GREB1L: variants seen among roughly 807,000 people sequenced by gnomAD.
The protein encoded by GREB1L is GREB1 like retinoic acid receptor coactivator, also known as GREB1-like protein.
Under a neutral mutation model 200.8 loss-of-function variants are expected in GREB1L, and 17 were observed. The observed-to-expected ratio is 0.08, with a 90% CI of 0.06 to 0.13. The LOEUF (loss-of-function observed/expected upper bound fraction) is 0.13. Ranked by LOEUF, GREB1L falls within the 10% of genes least tolerant of loss-of-function variation. GREB1L has a pLI of 1.00. For synonymous variants in GREB1L, 789 were observed against 893.0 expected (o/e 0.88, Z 2.08); for missense variants, 1,657 against 2,367.7 (o/e 0.70, Z 6.23).
intron 19 of GREB1L, among the ~76,000 whole-genome samples, chr18:21,493,680 A>G (rs1417325961): frequency 1.9e-4 from 29 of 152,120 alleles, no homozygotes; most frequent in Non-Finnish European, 3.2e-4. Flanking sequence ...AGCCTGGCCA[A>G]TATGGCGAAA....
intron 15 of GREB1L, among the ~76,000 whole-genome samples, chr18:21,463,291 G>T (rs574515373): frequency 1.3e-5 from 2 of 151,066 alleles, no homozygotes; most frequent in African/African-American, 2.4e-5. Context: ...GACCACAAGC[G>T]CCCGCCACCG....
intron 15 of GREB1L, among the ~76,000 whole-genome samples, chr18:21,470,075 AG>A (rs1386523250): frequency 6.6e-6 from 1 of 152,080 alleles, no homozygotes; most frequent in Non-Finnish European, 1.5e-5. Flanking sequence ...GCTTGAGGCC[AG>A]GGGTTTGAGA....
chr18:21,333,397 G>A lies in GREB1L; in HGVS notation c.-119-32630G>A, dbSNP rs541377846. Among the ~76,000 whole-genome samples the A allele has an allele frequency of 3.5e-4, 54 of 152,124 alleles. No individual in the cohort carries two copies. The South Asian group carries it at 3.7e-3, about 11-fold the overall frequency. ...GCCTTAAGAATAGATTTCTAAGGCCGGGCATGGTGGCTCATGCCTGTAATC... is the reference window on the plus strand; with the variant it reads ...GCCTTAAGAATAGATTTCTAAGGCCAGGCATGGTGGCTCATGCCTGTAATC... On this transcript the variant is annotated intron_variant, in intron 1 of 32. Coordinates refer to ENST00000424526, the MANE Select transcript of GREB1L (RefSeq NM_001142966.3).
intron 1 of GREB1L, among the ~76,000 whole-genome samples, chr18:21,296,648 CTTTGTTT>C (rs1027182346): frequency 7.3e-5 from 11 of 151,006 alleles, no homozygotes; most frequent in Admixed American, 5.3e-4. Context: ...TTCAGCTTTT[CTTTGTTT>C]TTTGTTTTTT....
At chr18:21,356,732 T>G (rs2039510106) in intron 1 of GREB1L, among the ~76,000 whole-genome samples, 1 of 152,186 alleles carries the variant, frequency 6.6e-6, no homozygotes, top group African/African-American at 2.4e-5. Flanking sequence ...GGTTTTAATT[T>G]TTTGAGAAAC....
Position 21,444,334 on chromosome 18 carries a change from T to G in GREB1L, c.1318T>G (p.Leu440Val). The G allele has an allele frequency of 6.4e-7, 1 of 1,552,172 alleles. No homozygotes were observed. Among genetic ancestry groups the G allele is most frequent in the Non-Finnish European group, 8.7e-7 (1 of 1,147,046 alleles). Residue 440 changes from leucine (L) to valine (V), a missense_variant, in exon 11 of 33, where the codon TTA becomes GTA. By Grantham distance (32) the Leu-to-Val change is conservative. Coordinates refer to ENST00000424526, the MANE Select transcript of GREB1L (RefSeq NM_001142966.3). Reference sequence around the variant, plus strand: ...GTTGGAAAACAAAGATTTGGAAAAATTAGGGTTGACCGGCAGCCAATTTCT... The same window carrying G: ...GTTGGAAAACAAAGATTTGGAAAAAGTAGGGTTGACCGGCAGCCAATTTCT... ...PQLENKDLEK[L>V]GLTGSQFLSV...
At chr18:21,382,030 A>C (rs567345645) in intron 2 of GREB1L, among the ~76,000 whole-genome samples, 2 of 152,302 alleles carry the variant, frequency 1.3e-5, no homozygotes, top group South Asian at 4.1e-4. Flanking sequence ...TTGAACAAAA[A>C]AAAATTTTGT....
chr18:21,281,813 A>G, intron 1 of GREB1L, among the ~76,000 whole-genome samples: 1 of 152,290 alleles, frequency 6.6e-6, no homozygotes, highest in South Asian at 2.1e-4. Flanking sequence ...TGGTTGCATA[A>G]CTCTACAAAT....
At position 21,508,128 on chromosome 18, in the gene GREB1L, C is replaced by G; in HGVS notation, c.4379C>G (p.Ser1460Cys). ...DFTSASQMSD[S>C]TLHAFTFSSS... ...TCTTTGCAAATGTAGATGTCTGACT[C>G]CACCCTTCATGCCTTCACATTCTCT... Residue 1460 changes from serine (S) to cysteine (C), a missense_variant, in exon 26 of 33, where the codon TCC (serine) becomes TGC (cysteine). By Grantham distance (112) the Ser-to-Cys change is moderately radical. Coordinates refer to ENST00000424526, the MANE Select transcript of GREB1L (RefSeq NM_001142966.3). 1 of 1,551,644 alleles carries G rather than the reference C, an allele frequency of 6.4e-7. No individual in the cohort carries two copies. Among genetic ancestry groups the G allele is most frequent in the Non-Finnish European group, 8.7e-7 (1 of 1,147,004 alleles).
intron 1 of GREB1L, among the ~76,000 whole-genome samples, chr18:21,280,166 C>T (rs777688891): frequency 3.3e-5 from 5 of 152,222 alleles, no homozygotes; most frequent in African/African-American, 4.8e-5. Flanking sequence ...TGTGCTCTAC[C>T]GTTGTACTAA....
Position 21,437,895 on chromosome 18 carries a change from G to T in GREB1L, c.833-1626G>T, listed in dbSNP as rs551686761. ...TGGGGAAATTTTTGAATACTAATAG[G>T]ATATTTTATGATATTAAGAAATTAT... is the stretch of plus-strand genomic sequence containing the variant. On this transcript the variant is annotated intron_variant, in intron 7 of 32. Coordinates refer to ENST00000424526, the MANE Select transcript of GREB1L (RefSeq NM_001142966.3). 2.6e-5 allele frequency among the ~76,000 whole-genome samples: 4 copies of T among 152,264 alleles called. No individual in the cohort carries two copies. In the South Asian group the frequency reaches 8.3e-4, roughly 32 times the overall value.
At chr18:21,448,968 C>T (rs948824959) in intron 11 of GREB1L, among the ~76,000 whole-genome samples, 4 of 152,188 alleles carry the variant, frequency 2.6e-5, no homozygotes, top group African/African-American at 9.7e-5. Context: ...AAATGTGAGG[C>T]TGCCTCCAAT....
intron 1 of GREB1L, among the ~76,000 whole-genome samples, chr18:21,247,054 C>T (rs894564715): frequency 2.0e-5 from 3 of 152,176 alleles, no homozygotes; most frequent in African/African-American, 7.2e-5. Context: ...GGCAAATATA[C>T]ACCCAACATG....
chr18:21,288,459 A>T (rs2038393784), intron 1 of GREB1L, among the ~76,000 whole-genome samples: 1 of 152,222 alleles, frequency 6.6e-6, no homozygotes, highest in Admixed American at 6.5e-5. Context: ...AATAGTGGTA[A>T]GCGCAGGTTC....
At chr18:21,294,630 G>A (rs1290832294) in intron 1 of GREB1L, among the ~76,000 whole-genome samples, 1 of 150,478 alleles carries the variant, frequency 6.6e-6, no homozygotes, top group African/African-American at 2.4e-5. Flanking sequence ...TAATATAATA[G>A]TTATATATAA....
chr18:21,445,694 T>G (rs2034178759), intron 11 of GREB1L, among the ~76,000 whole-genome samples: 2 of 152,220 alleles, frequency 1.3e-5, no homozygotes, highest in African/African-American at 2.4e-5. Context: ...TGACTAGAAC[T>G]CTGTGCCCTG....
chr18:21,372,904 GA>G (rs1285463809), intron 2 of GREB1L, among the ~76,000 whole-genome samples: 3 of 152,086 alleles, frequency 2.0e-5, no homozygotes, highest in African/African-American at 4.8e-5. Flanking sequence ...AAAATTATGA[GA>G]TTTTTTTTGC....
chr18:21,463,512 T>C (rs151034292), intron 15 of GREB1L, among the ~76,000 whole-genome samples: 1,738 of 152,086 alleles, frequency 0.011, 15 homozygotes, highest in Non-Finnish European at 0.018. Context: ...AATGGGAAAA[T>C]AAGAAATATT....
At chr18:21,433,851 G>A (rs760127632) in intron 7 of GREB1L, among the ~76,000 whole-genome samples, 2 of 152,082 alleles carry the variant, frequency 1.3e-5, no homozygotes, top group Admixed American at 1.3e-4. Context: ...TGTGTTAATC[G>A]ATCTAGCTGT....
Sources: gnomAD v4.1 joint callset for allele counts (sites outside exome capture counted in the v4.1 genomes callset) on GRCh38, gnomAD v4.1.1 for gene constraint, MANE v1.5 for transcripts, NCBI Gene and HGNC (gene_info 2026-07-23, HGNC 2026-07-21) for gene names.